LRG1: variants seen among roughly 807,000 people sequenced by gnomAD.
LRG1 encodes the protein leucine-rich alpha-2-glycoprotein.
LRG1 carries 1 observed loss-of-function variant against 2.4 expected under a neutral mutation model. The ratio of observed to expected loss-of-function variants is 0.41; its 90% confidence interval spans 0.15 to 1.95. The LOEUF (loss-of-function observed/expected upper bound fraction) is 1.95, where lower values mean the gene tolerates loss of function less well. Among genes scored for constraint, LRG1 ranks in the 30% most tolerant of loss-of-function variants. LRG1 has a pLI of 0.30. For missense variants in LRG1, 425 were observed against 436.9 expected (o/e 0.97, Z 0.24); for synonymous variants, 226 against 210.6 (o/e 1.07, Z -0.63).
chr19:4,538,680 T>C lies in LRG1; in HGVS notation c.304A>G (p.Asn102Asp). 1 of 1,612,758 alleles carries C rather than the reference T, an allele frequency of 6.2e-7. No homozygotes were observed. Among genetic ancestry groups the C allele is most frequent in the Non-Finnish European group, 8.5e-7 (1 of 1,178,876 alleles). ...SKLQELHLSS[N>D]GLESLSPEFL... is the part of the protein sequence containing the mutation. ...TCGGGCGAGAGGCTTTCCAGCCCAT[T>C]GCTGGAGAGGTGCAATTCTTGGAGC... Residue 102 changes from asparagine (N) to aspartate (D), a missense_variant, in exon 2 of 2, where the codon AAT becomes GAT. Physicochemically the swap from Asn to Asp is conservative, Grantham distance 23. Transcript: ENST00000306390.
Position 4,537,741 on chromosome 19 carries a change from A to G in LRG1, c.*199T>C, listed in dbSNP as rs1976960650. Reference sequence around the variant, plus strand: ...CACCACCACGCCTGGCTAATTTTTTATATTTTTAGTAGAGACAGGGTTTCA... The same window carrying G: ...CACCACCACGCCTGGCTAATTTTTTGTATTTTTAGTAGAGACAGGGTTTCA... On this transcript the variant is annotated 3_prime_UTR_variant, in exon 2 of 2. Coordinates refer to ENST00000306390, the MANE Select transcript of LRG1 (RefSeq NM_052972.3). The G allele has an allele frequency of 6.9e-6, 4 of 581,150 alleles. No individual in the cohort carries two copies. Among genetic ancestry groups the G allele is most frequent in the Non-Finnish European group, 1.2e-5 (4 of 342,158 alleles). The allele number at this position is 581,150 out of a possible 1,614,324, so 36.0% of individuals were successfully genotyped here. A position where few individuals can be genotyped will look rare whatever the true frequency, so the allele number is the denominator to read the frequency against.
chr19:4,538,896 C>A lies in LRG1; in HGVS notation c.88G>T (p.Ala30Ser). 1 of 1,519,414 alleles carries A rather than the reference C, an allele frequency of 6.6e-7. No homozygotes were observed. Among genetic ancestry groups the A allele is most frequent in the Non-Finnish European group, 8.8e-7 (1 of 1,132,170 alleles). 94.1% of individuals were successfully genotyped at this position (1,519,414 alleles called of 1,614,324 possible). ...SRTLFLLLLLAASAWGVTLSP... is the reference protein window; with the variant it reads ...SRTLFLLLLLSASAWGVTLSP... ...AGGGTGACCCCCCAGGCTGAGGCTG[C>A]CAACAGCAGCAGCAGGAACAGAGTT... The change falls in exon 2 of 2, where the codon GCA (alanine) becomes TCA (serine). Residue 30 changes from alanine to serine, a missense_variant. By Grantham distance (99) the Ala-to-Ser change is moderately conservative. Coordinates refer to ENST00000306390, the MANE Select transcript of LRG1 (RefSeq NM_052972.3).
rs369694032 is a variant in LRG1, at chr19:4,538,779, C to T, written c.205G>A (p.Asp69Asn). 147 of 1,605,750 alleles carry T rather than the reference C, an allele frequency of 9.2e-5. 1 individual carries two copies. Among genetic ancestry groups the T allele is most frequent in the South Asian group, 9.0e-4 (82 of 90,672 alleles). The change falls in exon 2 of 2, where the codon GAC (aspartate) becomes AAC (asparagine). Residue 69 changes from aspartate (D) to asparagine (N), a missense_variant. Physicochemically the swap from Asp to Asn is conservative, Grantham distance 23. Coordinates refer to ENST00000306390, the MANE Select transcript of LRG1 (RefSeq NM_052972.3). ...PAEIPGYLPA[D>N]TVHLAVEFFN... ...AATTCCACGGCCAGGTGCACGGTGT[C>T]GGCTGGCAGGTAGCCGGGGATTTCG...
intron 1 of LRG1, 24 bp downstream of exon 1, chr19:4,539,958 A>G: frequency 1.3e-5 from 21 of 1,613,804 alleles, no homozygotes; most frequent in Non-Finnish European, 1.8e-5. Context: ...AAACCTGCCT[A>G]GGACAGGTAG....
At position 4,538,470 on chromosome 19, in the gene LRG1, ACAG is replaced by A. The variant is rs750071514; in HGVS notation, c.511_513del (p.Leu171del). 2 of 1,613,988 alleles carry A rather than the reference ACAG, an allele frequency of 1.2e-6. No homozygotes were observed. Among genetic ancestry groups the A allele is most frequent in the South Asian group, 2.2e-5 (2 of 91,076 alleles). On this transcript the variant is annotated inframe_deletion, in exon 2 of 2. Coordinates refer to ENST00000306390, the MANE Select transcript of LRG1 (RefSeq NM_052972.3). ...GGCAGTTTCCGGAGGCGGTTCCCAGACAGGTCCAGATGCCCCAGAGCTTTCAGG... is the reference window on the plus strand; with the variant it reads ...GGCAGTTTCCGGAGGCGGTTCCCAGAGTCCAGATGCCCCAGAGCTTTCAGG...
Position 4,538,455 on chromosome 19 carries a change from G to A in LRG1, c.529C>T (p.Arg177Trp), listed in dbSNP as rs1405758232. 3.7e-6 allele frequency: 6 copies of A among 1,613,912 alleles called. No individual in the cohort carries two copies. The highest frequency in any genetic ancestry group is 2.2e-5 in the East Asian group (1 of 44,884). ...GCCAGCAGCCCGGGGGGCAGTTTCC[G>A]GAGGCGGTTCCCAGACAGGTCCAGA... ...GHLDLSGNRL[R>W]KLPPGLLANF... The change falls in exon 2 of 2, where the codon CGG becomes TGG. Residue 177 changes from arginine (R) to tryptophan (W), a missense_variant. By Grantham distance (101) the Arg-to-Trp change is moderately radical. Transcript: ENST00000306390.
rs148677930 is a variant in LRG1 at position 4,538,001 on chromosome 19, C to T, written c.983G>A (p.Arg328His). The change falls in exon 2 of 2, where the codon CGC becomes CAC. Residue 328 changes from arginine (R) to histidine (H), a missense_variant. Arg to His is a conservative substitution (Grantham distance 29). Transcript: ENST00000306390. ...CTTCACGGCTTCAGGCCCAGCACAG[C>T]GCGTGTCATTCTGGGAAAACATCTT... Reference protein sequence around the residue: ...KDKMFSQNDTRCAGPEAVKGQ... With the variant: ...KDKMFSQNDTHCAGPEAVKGQ... 1,266 of 1,613,912 alleles carry T rather than the reference C, an allele frequency of 7.8e-4. No individual in the cohort carries two copies. The highest frequency in any genetic ancestry group is 1.0e-3 in the Non-Finnish European group (1,193 of 1,180,040).
chr19:4,539,830 C>T lies in LRG1; in HGVS notation c.32+152G>A, dbSNP rs75648997. ...GTAGGGGTGTGTGTGTGTGTGCACGCGCCAGTCTTTCTGTCACAGATAAGG... is the reference window on the plus strand; with the variant it reads ...GTAGGGGTGTGTGTGTGTGTGCACGTGCCAGTCTTTCTGTCACAGATAAGG... On this transcript the variant is annotated intron_variant, in intron 1 of 1. Transcript: ENST00000306390. 1,987 of 895,812 alleles carry T rather than the reference C, an allele frequency of 2.2e-3. 19 individuals carry two copies. The highest frequency in any genetic ancestry group is 0.022 in the African/African-American group (1,341 of 61,194). 55.5% of individuals were successfully genotyped at this position (895,812 alleles called of 1,614,324 possible).
chr19:4,539,785 C>T (rs918831538), intron 1 of LRG1, among the ~76,000 whole-genome samples, 197 bp downstream of exon 1: 2 of 152,200 alleles, frequency 1.3e-5, no homozygotes, highest in Non-Finnish European at 2.9e-5. Flanking sequence ...TCCCTGCTGC[C>T]CATGCCCACC....
Position 4,536,403 on chromosome 19 carries a change from C to A in LRG1, c.*1537G>T, listed in dbSNP as rs1351915132. On this transcript the variant is annotated 3_prime_UTR_variant, in exon 2 of 2. Transcript: ENST00000306390. ...GAATGACCACAGATGTAGGCATGGT[C>A]TTTTTATTTTTATTTTTATTTTTGA... 2.0e-5 allele frequency: 3 copies of A among 151,444 alleles called. No individual in the cohort carries two copies. Among genetic ancestry groups the A allele is most frequent in the African/African-American group, 7.3e-5 (3 of 41,146 alleles). The allele number at this position is 151,444 out of a possible 1,614,324, so 9.4% of individuals were successfully genotyped here.
At chr19:4,539,015 T>C in intron 1 of LRG1, 64 bp from the exon 2 acceptor site, 1 of 1,427,848 alleles carries the variant, frequency 7.0e-7, no homozygotes, top group Non-Finnish European at 9.2e-7. Flanking sequence ...TAGGTGAAAA[T>C]ACACCAGCAA....
Position 4,538,671 on chromosome 19 carries a change from C to A in LRG1, c.313G>T (p.Glu105Ter). ...QELHLSSNGL[E>*]SLSPEFLRPV... is the part of the protein sequence containing the mutation. ...CGCAGGAATTCGGGCGAGAGGCTTTCCAGCCCATTGCTGGAGAGGTGCAAT... is the reference window on the plus strand; with the variant it reads ...CGCAGGAATTCGGGCGAGAGGCTTTACAGCCCATTGCTGGAGAGGTGCAAT... The change falls in exon 2 of 2, where the codon GAA becomes TAA. Residue 105 changes from glutamate to a stop codon, truncating the protein, a stop_gained. Transcript: ENST00000306390. LOFTEE classifies it low-confidence loss of function (END_TRUNC). 6.2e-7 allele frequency: 1 copy of A among 1,613,142 alleles called. No individual in the cohort carries two copies. The highest frequency in any genetic ancestry group is 8.5e-7 in the Non-Finnish European group (1 of 1,179,226).
chr19:4,538,036 G>C lies in LRG1; in HGVS notation c.948C>G (p.Ala316=), dbSNP rs1976965473. Residue 316 remains alanine (A), a synonymous_variant, in exon 2 of 2, where the codon GCC becomes GCG. Coordinates refer to ENST00000306390, the MANE Select transcript of LRG1 (RefSeq NM_052972.3). ...NLSDLYRWLQ[A]QKDKMFSQND... is the part of the protein sequence containing the mutation. ...TCTGGGAAAACATCTTGTCTTTTTGGGCCTGAAGCCAACGATAGAGGTCGC... is the reference window on the plus strand; with the variant it reads ...TCTGGGAAAACATCTTGTCTTTTTGCGCCTGAAGCCAACGATAGAGGTCGC... The C allele has an allele frequency of 1.3e-5, 21 of 1,614,176 alleles. No homozygotes were observed. Among genetic ancestry groups the C allele is most frequent in the Non-Finnish European group, 1.8e-5 (21 of 1,180,048 alleles).
intron 1 of LRG1, 56 bp from the exon 2 acceptor site, chr19:4,539,007 G>A: frequency 6.9e-7 from 1 of 1,451,710 alleles, no homozygotes; most frequent in South Asian, 1.6e-5. Context: ...CACTCAGCTA[G>A]GTGAAAATAC....
chr19:4,538,078 G>A lies in LRG1; in HGVS notation c.906C>T (p.Ile302=), dbSNP rs1976966276. The stretch of plus-strand genomic sequence containing the variant: ...AGAGGTCGCTCAGGTTCTGGTCACA[G>A]ATCCAGGGGTTGCCGGAGATGTCGA... ...DGFDISGNPW[I]CDQNLSDLYR... The change falls in exon 2 of 2, where the codon ATC becomes ATT. Residue 302 remains isoleucine (I), a synonymous_variant. Transcript: ENST00000306390. 6.2e-7 allele frequency: 1 copy of A among 1,614,112 alleles called. No homozygotes were observed. Among genetic ancestry groups the A allele is most frequent in the Non-Finnish European group, 8.5e-7 (1 of 1,180,050 alleles).
Position 4,538,780 on chromosome 19 carries a change from G to C in LRG1, c.204C>G (p.Ala68=). 6.2e-7 allele frequency: 1 copy of C among 1,606,180 alleles called. No homozygotes were observed. The highest frequency in any genetic ancestry group is 8.5e-7 in the Non-Finnish European group (1 of 1,173,916). The change falls in exon 2 of 2, where the codon GCC becomes GCG. Residue 68 remains alanine, a synonymous_variant. Transcript: ENST00000306390. ...PPAEIPGYLP[A]DTVHLAVEFF... ...ATTCCACGGCCAGGTGCACGGTGTC[G>C]GCTGGCAGGTAGCCGGGGATTTCGG...
chr19:4,538,050 G>C lies in LRG1; in HGVS notation c.934C>G (p.Arg312Gly), dbSNP rs765306791. ...ICDQNLSDLY[R>G]WLQAQKDKMF... ...TTGTCTTTTTGGGCCTGAAGCCAAC[G>C]ATAGAGGTCGCTCAGGTTCTGGTCA... The change falls in exon 2 of 2, where the codon CGT becomes GGT. Residue 312 changes from arginine to glycine, a missense_variant. By Grantham distance (125) the Arg-to-Gly change is moderately radical (BLOSUM62 -2). Transcript: ENST00000306390. 1.2e-6 allele frequency: 2 copies of C among 1,614,198 alleles called. No homozygotes were observed. The highest frequency in any genetic ancestry group is 2.2e-5 in the East Asian group (1 of 44,892).
rs1026592814 is a variant in LRG1 at position 4,536,794 on chromosome 19, G to C, written c.*1146C>G. ...CAAATCCGATTGCAGCCCCCACATG[G>C]CCAATGCTGTATCAGCAGGTGGGCC... is the stretch of plus-strand genomic sequence containing the variant. On this transcript the variant is annotated 3_prime_UTR_variant, in exon 2 of 2. Coordinates refer to ENST00000306390, the MANE Select transcript of LRG1 (RefSeq NM_052972.3). 3.9e-5 allele frequency: 6 copies of C among 152,268 alleles called. No homozygotes were observed. Among genetic ancestry groups the C allele is most frequent in the African/African-American group, 1.4e-4 (6 of 41,434 alleles). The allele number at this position is 152,268 out of a possible 1,614,324, so 9.4% of individuals were successfully genotyped here.
In LRG1 at chr19:4,538,555, G is replaced by T; in HGVS notation, c.429C>A (p.Asp143Glu). ...GCTGGTTTTCTTTCAATACCAGGGT[G>T]TCCAGGGTGGCTGAGGCCTGGAAGA... ...PGLFQASATLDTLVLKENQLE... is the reference protein window; with the variant it reads ...PGLFQASATLETLVLKENQLE... The change falls in exon 2 of 2, where the codon GAC becomes GAA. Residue 143 changes from aspartate (D) to glutamate (E), a missense_variant. Coordinates refer to ENST00000306390, the MANE Select transcript of LRG1 (RefSeq NM_052972.3). 1.9e-6 allele frequency: 3 copies of T among 1,613,634 alleles called. No individual in the cohort carries two copies. The highest frequency in any genetic ancestry group is 2.5e-6 in the Non-Finnish European group (3 of 1,180,010).
Sources: allele counts gnomAD v4.1 joint callset (sites outside exome capture counted in the v4.1 genomes callset), GRCh38; gene constraint gnomAD v4.1.1; transcripts MANE v1.5; gene names NCBI Gene and HGNC (gene_info 2026-07-23, HGNC 2026-07-21).